CLSTN2: variants seen among roughly 807,000 people sequenced by gnomAD.
The protein encoded by CLSTN2 is calsyntenin-2.
Under a neutral mutation model 101.2 loss-of-function variants are expected in CLSTN2, and 48 were observed. That is an observed-to-expected ratio of 0.47 (90% CI 0.38 to 0.60). CLSTN2 has a LOEUF of 0.60. Ranked by LOEUF, CLSTN2 falls within the 20% of genes least tolerant of loss-of-function variation. CLSTN2 has a pLI of 0.00. For missense variants in CLSTN2, 1,160 were observed against 1,238.2 expected, an observed-to-expected ratio of 0.94 and a Z score of 0.95; for synonymous variants, 481 against 463.6, an observed-to-expected ratio of 1.04 and a Z score of -0.48.
chr3:140,248,434 T>C (rs182167897), intron 2 of CLSTN2, among the ~76,000 whole-genome samples: 2 of 152,282 alleles, frequency 1.3e-5, no homozygotes, highest in Admixed American at 1.3e-4. Context: ...AGGCTAAGGC[T>C]TCTTCTCCAT....
chr3:140,071,500 G>A (rs1370355236), intron 1 of CLSTN2, among the ~76,000 whole-genome samples: 1 of 152,098 alleles, frequency 6.6e-6, no homozygotes, highest in Non-Finnish European at 1.5e-5. Context: ...TAGAAAATCA[G>A]CAAAGAGCAT....
At chr3:140,401,132 G>A (rs971782413) in intron 2 of CLSTN2, among the ~76,000 whole-genome samples, 1 of 152,370 alleles carries the variant, frequency 6.6e-6, no homozygotes. Context: ...ATATTTGTGA[G>A]AAGAATGAAT....
In CLSTN2 at chr3:140,199,596, T is replaced by C. The variant is rs75804794; in HGVS notation, c.232+23523T>C. On this transcript the variant is annotated intron_variant, in intron 2 of 16. Coordinates refer to ENST00000458420, the MANE Select transcript of CLSTN2 (RefSeq NM_022131.3). ...GCCCAGGCCCCTGCCCACCTGGTTA[T>C]TGTCATCAAGGATGGTTGGGATATA... Among the ~76,000 whole-genome samples the C allele has an allele frequency of 6.4e-3, 969 of 152,322 alleles. 11 individuals carry two copies. The highest frequency in any genetic ancestry group is 0.06 in the South Asian group (288 of 4,828).
At chr3:140,491,045 T>G (rs1471609070) in intron 8 of CLSTN2, among the ~76,000 whole-genome samples, 1 of 152,248 alleles carries the variant, frequency 6.6e-6, no homozygotes, top group African/African-American at 2.4e-5. Flanking sequence ...CATACGTCCC[T>G]AATAAACTTA....
At chr3:140,101,575 C>A (rs938054188) in intron 1 of CLSTN2, among the ~76,000 whole-genome samples, 6 of 152,206 alleles carry the variant, frequency 3.9e-5, no homozygotes, top group African/African-American at 1.4e-4. Context: ...ATGGCTTTGG[C>A]TCTGTATACT....
intron 2 of CLSTN2, among the ~76,000 whole-genome samples, chr3:140,262,337 A>G (rs1421424243): frequency 1.3e-5 from 2 of 152,208 alleles, no homozygotes; most frequent in Non-Finnish European, 2.9e-5. Flanking sequence ...ATGGCTTTCA[A>G]TGGCTTTCCC....
rs369596942 is a variant in CLSTN2 at position 140,448,710 on chromosome 3, T to C, written c.973+6T>C. 3.1e-6 allele frequency: 5 copies of C among 1,597,016 alleles called. No homozygotes were observed. The highest frequency in any genetic ancestry group is 4.3e-6 in the Non-Finnish European group (5 of 1,167,040). On this transcript the variant is annotated splice_donor_region_variant and intron_variant, in intron 6 of 16. Transcript: ENST00000458420. ...ATCCCTTCAAAAGTTATGTGGTAGG[T>C]TTTTCCCTTTTGGGATTTTAAAAAT...
intron 2 of CLSTN2, among the ~76,000 whole-genome samples, chr3:140,201,836 A>G (rs955687294): frequency 2.6e-5 from 4 of 151,652 alleles, no homozygotes; most frequent in African/African-American, 9.7e-5. Flanking sequence ...GTGTGTGTGT[A>G]TATATAATGA....
chr3:140,450,747 C>G (rs931981771), intron 6 of CLSTN2, among the ~76,000 whole-genome samples: 1 of 152,122 alleles, frequency 6.6e-6, no homozygotes, highest in African/African-American at 2.4e-5. Flanking sequence ...TACACACACA[C>G]AAGCACACAC....
At chr3:140,116,417 T>C (rs1239957798) in intron 1 of CLSTN2, among the ~76,000 whole-genome samples, 2 of 152,204 alleles carry the variant, frequency 1.3e-5, no homozygotes, top group Non-Finnish European at 2.9e-5. Flanking sequence ...CCAGAATAAG[T>C]GCAGCCAGGT....
intron 1 of CLSTN2, among the ~76,000 whole-genome samples, chr3:140,011,080 C>T (rs760862874): frequency 2.0e-4 from 31 of 152,160 alleles, no homozygotes; most frequent in Non-Finnish European, 3.7e-4. Flanking sequence ...AAACAGGTTG[C>T]TGGCCTCAGC....
intron 2 of CLSTN2, among the ~76,000 whole-genome samples, chr3:140,199,226 T>A (rs1233085701): frequency 6.6e-6 from 1 of 152,180 alleles, no homozygotes; most frequent in Admixed American, 6.5e-5. Context: ...CACTGGCTGA[T>A]GAGGGTGGCT....
At chr3:140,556,711 G>C in intron 11 of CLSTN2, 50 bp downstream of exon 11, 1 of 1,574,518 alleles carries the variant, frequency 6.4e-7, no homozygotes, top group Non-Finnish European at 8.7e-7. Context: ...CAGTTGGGAA[G>C]GTCCCAACTG....
chr3:140,176,261 T>C (rs746185877), intron 2 of CLSTN2, among the ~76,000 whole-genome samples, 188 bp downstream of exon 2: 1 of 152,212 alleles, frequency 6.6e-6, no homozygotes, highest in Non-Finnish European at 1.5e-5. Flanking sequence ...ATGTTTTTGT[T>C]TGTTTGTTTT....
intron 9 of CLSTN2, among the ~76,000 whole-genome samples, chr3:140,532,865 A>T: frequency 6.6e-6 from 1 of 152,208 alleles, no homozygotes; most frequent in South Asian, 2.1e-4. Context: ...TCAGGAACCA[A>T]GGATCTCCCT....
intron 1 of CLSTN2, among the ~76,000 whole-genome samples, chr3:139,973,446 T>G (rs2107819984): frequency 6.6e-6 from 1 of 152,272 alleles, no homozygotes; most frequent in South Asian, 2.1e-4. Flanking sequence ...TTGTCTGATC[T>G]AAAGATAAGA....
chr3:140,115,916 A>G (rs1232181516), intron 1 of CLSTN2, among the ~76,000 whole-genome samples: 3 of 152,226 alleles, frequency 2.0e-5, no homozygotes, highest in Non-Finnish European at 4.4e-5. Flanking sequence ...TGTTAGGCTA[A>G]GAAATCGGAT....
At chr3:140,055,735 TA>T (rs2008084479) in intron 1 of CLSTN2, among the ~76,000 whole-genome samples, 1 of 152,192 alleles carries the variant, frequency 6.6e-6, no homozygotes, top group East Asian at 1.9e-4. Flanking sequence ...GGTTTAGCAC[TA>T]ATCTTAGAAA....
At chr3:140,346,735 C>A (rs906054549) in intron 2 of CLSTN2, among the ~76,000 whole-genome samples, 5 of 152,212 alleles carry the variant, frequency 3.3e-5, no homozygotes, top group African/African-American at 7.2e-5. Flanking sequence ...ACTCATGCAT[C>A]TCATGGTGCG....
Sources: gnomAD v4.1 joint callset for allele counts (sites outside exome capture counted in the v4.1 genomes callset) on GRCh38, gnomAD v4.1.1 for gene constraint, MANE v1.5 for transcripts, NCBI Gene and HGNC (gene_info 2026-07-23, HGNC 2026-07-21) for gene names.